Variants in PAPPA observed in about 807,000 individuals in gnomAD.
The protein encoded by PAPPA is pappalysin 1, also known as pappalysin-1.
In PAPPA, 60 loss-of-function variants were observed where a neutral mutation model predicts 164.0. The ratio of observed to expected loss-of-function variants is 0.37; its 90% CI spans 0.30 to 0.45. PAPPA has a LOEUF of 0.45. Among genes scored for constraint, PAPPA ranks in the 20% least tolerant of loss-of-function variants. The probability of loss-of-function intolerance (pLI) is 1.00; values close to 1 mark genes in which losing one functional copy is unlikely to be tolerated. For synonymous variants in PAPPA, 875 were observed against 814.1 expected (o/e 1.07, Z -1.27); for missense variants, 1,782 against 2,087.3 (o/e 0.85, Z 2.85).
intron 9 of PAPPA, chr9:116,288,517 T>G: frequency 7.0e-6 from 1 of 142,588 alleles, no homozygotes; most frequent in African/African-American, 2.5e-5. Flanking sequence ...CTTTCCCTCT[T>G]CTTACTGAGA....
intron 2 of PAPPA, among the ~76,000 whole-genome samples, chr9:116,204,067 G>C (rs1319814089): frequency 6.6e-6 from 1 of 152,146 alleles, no homozygotes; most frequent in Admixed American, 6.5e-5. Flanking sequence ...GAGAAAATAG[G>C]AGACCAGGAT....
At chr9:116,157,235 T>C (rs200675104) in intron 1 of PAPPA, among the ~76,000 whole-genome samples, 2 of 152,198 alleles carry the variant, frequency 1.3e-5, no homozygotes, top group East Asian at 1.9e-4. Flanking sequence ...TGCTCCCAGA[T>C]CCGCCCGGGA....
At chr9:116,244,563 G>T (rs1844774004) in intron 7 of PAPPA, among the ~76,000 whole-genome samples, 1 of 152,082 alleles carries the variant, frequency 6.6e-6, no homozygotes, top group African/African-American at 2.4e-5. Context: ...ATTTCAAGAG[G>T]TTATAATAGA....
chr9:116,237,503 A>G (rs867159369), intron 7 of PAPPA, among the ~76,000 whole-genome samples: 1 of 152,206 alleles, frequency 6.6e-6, no homozygotes, highest in African/African-American at 2.4e-5. Flanking sequence ...TTACGAGCCT[A>G]TGAGAGCTGC....
chr9:116,305,056 A>T (rs1564217803), intron 10 of PAPPA, among the ~76,000 whole-genome samples: 2 of 143,820 alleles, frequency 1.4e-5, no homozygotes, highest in African/African-American at 5.2e-5. Context: ...GTCATTCACA[A>T]ACACACACAC....
chr9:116,325,164 A>G (rs1418378135), intron 10 of PAPPA, among the ~76,000 whole-genome samples: 3 of 152,190 alleles, frequency 2.0e-5, no homozygotes, highest in Non-Finnish European at 4.4e-5. Context: ...TACGCAGAAC[A>G]TGGAATTCTA....
At chr9:116,312,288 C>CT (rs5900201) in intron 10 of PAPPA, among the ~76,000 whole-genome samples, 58,899 of 129,838 alleles carry the variant, frequency 0.45, 12,180 homozygotes, top group Middle Eastern at 0.61. Context: ...TTCTTTCTTT[C>CT]TTTTTTTTTT....
chr9:116,255,701 A>G (rs1198665467), intron 7 of PAPPA, among the ~76,000 whole-genome samples: 2 of 151,936 alleles, frequency 1.3e-5, no homozygotes, highest in African/African-American at 4.8e-5. Context: ...TCTGCAAGGT[A>G]GTGTATTGGG....
In PAPPA at chr9:116,344,114, C is replaced by A. The variant is rs148847386; in HGVS notation, c.3612-429C>A. The stretch of plus-strand genomic sequence containing the variant: ...AGTATATGCCAGGAGTTCTGCTATG[C>A]GTTTTTTTCTAAACTGATTTAATTC... On this transcript the variant is annotated intron_variant, in intron 13 of 21. Transcript: ENST00000328252. Among the ~76,000 whole-genome samples the A allele has an allele frequency of 7.2e-5, 11 of 152,206 alleles. No homozygotes were observed. In the East Asian group the frequency reaches 2.1e-3, roughly 29 times the overall value.
intron 13 of PAPPA, among the ~76,000 whole-genome samples, chr9:116,342,537 G>T (rs959290113): frequency 6.6e-6 from 1 of 152,142 alleles, no homozygotes; most frequent in Non-Finnish European, 1.5e-5. Flanking sequence ...GAAGCTTTTA[G>T]CTCCCCCCGC....
chr9:116,162,187 G>A (rs1342044863), intron 1 of PAPPA, among the ~76,000 whole-genome samples: 3 of 152,154 alleles, frequency 2.0e-5, no homozygotes, highest in Non-Finnish European at 2.9e-5. Context: ...GCAATAAGAA[G>A]CTTTTGAGTG....
chr9:116,334,821 A>C, intron 12 of PAPPA, 40 bp from the exon 13 acceptor site: 1 of 1,516,492 alleles, frequency 6.6e-7, no homozygotes, highest in Non-Finnish European at 9.1e-7. Flanking sequence ...GGCCTTGAGT[A>C]ATGAGCCTGG....
At chr9:116,332,636 T>C in intron 12 of PAPPA, 168 bp downstream of exon 12, 1 of 605,430 alleles carries the variant, frequency 1.7e-6, no homozygotes. Context: ...TGTGGTTATG[T>C]ATCCAGAGAA....
chr9:116,304,744 A>G (rs1039800268), intron 10 of PAPPA, among the ~76,000 whole-genome samples: 19 of 152,240 alleles, frequency 1.2e-4, no homozygotes, highest in Non-Finnish European at 2.6e-4. Flanking sequence ...TTAAAAAATC[A>G]TTATAAATAC....
chr9:116,186,122 G>C (rs1376702920), intron 1 of PAPPA, among the ~76,000 whole-genome samples: 2 of 152,104 alleles, frequency 1.3e-5, no homozygotes, highest in African/African-American at 4.8e-5. Flanking sequence ...TGCCTGGCCT[G>C]CCATAGAGGC....
chr9:116,188,281 A>T, intron 2 of PAPPA, 65 bp downstream of exon 2: 1 of 1,227,086 alleles, frequency 8.1e-7, no homozygotes, highest in Non-Finnish European at 1.1e-6. Context: ...CATATTATAG[A>T]TAAGGCACCT....
rs948022072 is a variant in PAPPA at position 116,207,484 on chromosome 9, A to C, written c.1507A>C (p.Asn503His). 1.2e-6 allele frequency: 2 copies of C among 1,612,684 alleles called. No individual in the cohort carries two copies. ...RAYLDVNELK[N>H]ILKLDGSTHL... ...CTACTTGGATGTTAATGAGCTGAAGAACATTCTTAAATTGGATGGATCAAC... is the reference window on the plus strand; with the variant it reads ...CTACTTGGATGTTAATGAGCTGAAGCACATTCTTAAATTGGATGGATCAAC... Residue 503 changes from asparagine (N) to histidine (H), a missense_variant, in exon 3 of 22, where the codon AAC becomes CAC. Physicochemically the swap from Asn to His is moderately conservative, Grantham distance 68. This residue lies in a region of PAPPA where 1,324 missense variants were observed against 1,656.9 expected (regional missense o/e 0.80). Transcript: ENST00000328252.
intron 9 of PAPPA, among the ~76,000 whole-genome samples, chr9:116,292,643 A>G (rs1564213536): frequency 6.6e-6 from 1 of 152,082 alleles, no homozygotes. Context: ...TCTTTTGATG[A>G]TTTTGTGATG....
intron 1 of PAPPA, among the ~76,000 whole-genome samples, chr9:116,181,078 A>C (rs767821454): frequency 1.3e-4 from 20 of 152,192 alleles, no homozygotes; most frequent in African/African-American, 3.9e-4. Context: ...CAATTGAGTA[A>C]ATTGAGACAT....
Sources: allele counts gnomAD v4.1 joint callset (sites outside exome capture counted in the v4.1 genomes callset), GRCh38; gene constraint gnomAD v4.1.1; regional missense constraint gnomAD v4.1.1; transcripts MANE v1.5; gene names NCBI Gene and HGNC (gene_info 2026-07-23, HGNC 2026-07-21).